INTS3: variants seen among roughly 807,000 people sequenced by gnomAD.
INTS3 encodes the protein integrator complex subunit 3, also known as SOSS complex subunit A.
In INTS3, 34 loss-of-function variants were observed where a neutral mutation model predicts 146.3. The observed-to-expected ratio is 0.23, with a 90% CI of 0.18 to 0.31. The LOEUF is 0.31. INTS3 is among the 10% of genes least tolerant of loss of function. The pLI, the probability that INTS3 is intolerant of heterozygous loss-of-function variation, is 1.00. For missense variants in INTS3, 757 were observed against 1,304.2 expected (o/e 0.58, Z 6.46); for synonymous variants, 475 against 494.9 (o/e 0.96, Z 0.53).
intron 8 of INTS3, 70 bp from the exon 9 acceptor site, chr1:153,754,572 C>A: frequency 9.2e-7 from 1 of 1,087,938 alleles, no homozygotes. Flanking sequence ...GGCCCAGGTT[C>A]CCAACATGCC....
chr1:153,749,614 T>A (rs1025069417), intron 6 of INTS3, among the ~76,000 whole-genome samples: 1 of 152,228 alleles, frequency 6.6e-6, no homozygotes, highest in African/African-American at 2.4e-5. Flanking sequence ...GGCACGGATG[T>A]GCAGCCACAT....
chr1:153,770,626 C>G, intron 24 of INTS3, 59 bp from the exon 25 acceptor site: 1 of 1,428,964 alleles, frequency 7.0e-7, no homozygotes, highest in South Asian at 1.1e-5. Context: ...AGAGAGGTCC[C>G]CAGATTCCAT....
intron 22 of INTS3, 83 bp downstream of exon 22, chr1:153,769,044 C>A: frequency 8.8e-7 from 1 of 1,131,956 alleles, no homozygotes; most frequent in Non-Finnish European, 1.3e-6. Flanking sequence ...TCCAGGCCTG[C>A]AGACAGGGAG....
intron 13 of INTS3, 32 bp downstream of exon 13, chr1:153,760,950 T>C (rs755285428): frequency 1.3e-6 from 2 of 1,599,748 alleles, no homozygotes; most frequent in Non-Finnish European, 1.7e-6. Context: ...GGAGGTTGTT[T>C]TCCCATTTTT....
Position 153,769,753 on chromosome 1 carries a change from T to C in INTS3, c.2314-16T>C. 1 of 1,599,630 alleles carries C rather than the reference T, an allele frequency of 6.3e-7. No homozygotes were observed. The highest frequency in any genetic ancestry group is 8.6e-7 in the Non-Finnish European group (1 of 1,166,970). On this transcript the variant is annotated splice_polypyrimidine_tract_variant and intron_variant, in intron 22 of 29. Transcript: ENST00000318967. Reference sequence around the variant, plus strand: ...TCAGAGCTGATGGGTTCTGCCTCCTTCCTCCACCTCCTTAGCTCCAGGAGC... The same window carrying C: ...TCAGAGCTGATGGGTTCTGCCTCCTCCCTCCACCTCCTTAGCTCCAGGAGC...
chr1:153,757,471 G>T lies in INTS3; in HGVS notation c.958-101G>T. On this transcript the variant is annotated intron_variant, in intron 9 of 29. Transcript: ENST00000318967. This position sits in a 1 kb window ranked among gnomAD's most constrained non-coding sequence, Gnocchi z 4.0. ...CTAATGAATGAATTGTGGAGAAATAGAGGTCTAGGGCAAACCTAGAGTTAA... is the reference window on the plus strand; with the variant it reads ...CTAATGAATGAATTGTGGAGAAATATAGGTCTAGGGCAAACCTAGAGTTAA... The T allele has an allele frequency of 1.1e-6, 1 of 895,104 alleles. No homozygotes were observed. The allele number at this position is 895,104 out of a possible 1,614,324, so 55.4% of individuals were successfully genotyped here.
At chr1:153,771,043 C>A (rs1005119554) in intron 25 of INTS3, among the ~76,000 whole-genome samples, 1 of 152,060 alleles carries the variant, frequency 6.6e-6, no homozygotes, top group Non-Finnish European at 1.5e-5. Context: ...CCGCGCCCCC[C>A]CCACCGCCCC....
Position 153,772,511 on chromosome 1 carries a change from T to TG in INTS3, c.2821+76dup, listed in dbSNP as rs747879236. The TG allele has an allele frequency of 4.3e-6, 7 of 1,613,312 alleles. No individual in the cohort carries two copies. In the East Asian group the frequency reaches 1.6e-4, roughly 36 times the overall value. ...GCCCAGACTATGCCTGGAGCCAGGC[T>TG]GGGGGCAGGGGCAGGACACCCGGGG... On this transcript the variant is annotated intron_variant, in intron 27 of 29. Transcript: ENST00000318967. This position sits in a 1 kb window ranked among gnomAD's most constrained non-coding sequence, Gnocchi z 4.6.
chr1:153,748,844 G>A (rs1046760501), intron 6 of INTS3, 89 bp downstream of exon 6: 2 of 1,040,040 alleles, frequency 1.9e-6, no homozygotes, highest in African/African-American at 1.6e-5. Flanking sequence ...GGATTGTGTG[G>A]CCCAAGAACA....
chr1:153,733,668 C>T lies in INTS3; in HGVS notation c.150+4884C>T, dbSNP rs532001275. On this transcript the variant is annotated intron_variant, in intron 1 of 29. Coordinates refer to ENST00000318967, the MANE Select transcript of INTS3 (RefSeq NM_023015.5). ...CGTCACCCAGGCTGGAGTGCAGTGGCGCGACAGCTCCCTGCAACCTTCGCC... is the reference window on the plus strand; with the variant it reads ...CGTCACCCAGGCTGGAGTGCAGTGGTGCGACAGCTCCCTGCAACCTTCGCC... Among the ~76,000 whole-genome samples the T allele has an allele frequency of 3.3e-5, 5 of 151,250 alleles. No individual in the cohort carries two copies. In the South Asian group the frequency reaches 8.4e-4, roughly 25 times the overall value.
At chr1:153,770,828 A>G (rs1672821075) in intron 25 of INTS3, 95 bp downstream of exon 25, 2 of 971,420 alleles carry the variant, frequency 2.1e-6, no homozygotes, top group Admixed American at 3.7e-5. Context: ...TTATTGCCAT[A>G]TTTTTTCCTG....
At chr1:153,770,363 G>C (rs546733852) in intron 24 of INTS3, 52 bp downstream of exon 24, 26 of 1,140,422 alleles carry the variant, frequency 2.3e-5, no homozygotes, top group Non-Finnish European at 3.5e-5. Context: ...TTCCTATACA[G>C]TTAGGGCAAG....
In INTS3 at chr1:153,762,813, C is replaced by T. The variant is rs149053975; in HGVS notation, c.1602C>T (p.Ala534=). The stretch of plus-strand genomic sequence containing the variant: ...GTTGCTATGACAATGCAGAGGCAGC[C>T]TTCAGTGACGATGAAGAGGATCTCA... ...DESCYDNAEA[A]FSDDEEDLNS... Residue 534 remains alanine, a synonymous_variant, in exon 15 of 30, where the codon GCC becomes GCT. Coordinates refer to ENST00000318967, the MANE Select transcript of INTS3 (RefSeq NM_023015.5). 4.3e-5 allele frequency: 69 copies of T among 1,614,024 alleles called. No homozygotes were observed. Among genetic ancestry groups the T allele is most frequent in the Non-Finnish European group, 5.5e-5 (65 of 1,180,034 alleles).
Position 153,772,360 on chromosome 1 carries a change from A to G in INTS3, c.2741A>G (p.Lys914Arg). 6.2e-7 allele frequency: 1 copy of G among 1,614,114 alleles called. No individual in the cohort carries two copies. The highest frequency in any genetic ancestry group is 8.5e-7 in the Non-Finnish European group (1 of 1,180,010). ...CACAGCCTGAGGAGCTCTAGCAGCA[A>G]GCTGGCCCAGCTGACTCTGGAGCAG... is the stretch of plus-strand genomic sequence containing the variant. ...KRQSLRSSSS[K>R]LAQLTLEQIL... Residue 914 changes from lysine to arginine, a missense_variant, in exon 27 of 30, where the codon AAG becomes AGG. Around this residue, in one of 8 missense-constraint regions of INTS3, gnomAD observed 125 missense variants for 165.6 expected, o/e 0.75. Transcript: ENST00000318967. The surrounding 1 kb of genome is among the most constrained non-coding windows in gnomAD (Gnocchi z 4.6).
chr1:153,735,115 G>A (rs1025173602), intron 1 of INTS3, among the ~76,000 whole-genome samples: 8 of 151,980 alleles, frequency 5.3e-5, no homozygotes, highest in South Asian at 2.1e-4. Flanking sequence ...CTATAGGCAC[G>A]CCACCACACC....
chr1:153,764,561 T>A (rs1004326348), intron 18 of INTS3, 129 bp from the exon 19 acceptor site: 5 of 791,738 alleles, frequency 6.3e-6, no homozygotes, highest in Non-Finnish European at 2.3e-6. Flanking sequence ...TTACCAAGCC[T>A]GCGGAGCAGC....
intron 3 of INTS3, among the ~76,000 whole-genome samples, chr1:153,742,336 A>G (rs1439443164): frequency 3.9e-5 from 6 of 152,234 alleles, no homozygotes; most frequent in Non-Finnish European, 7.3e-5. Context: ...CCTTGAAGAC[A>G]AATGAATGTT....
chr1:153,761,680 T>G lies in INTS3; in HGVS notation c.1516+4T>G. 6.3e-7 allele frequency: 1 copy of G among 1,599,722 alleles called. No individual in the cohort carries two copies. Among genetic ancestry groups the G allele is most frequent in the Non-Finnish European group, 8.6e-7 (1 of 1,166,872 alleles). On this transcript the variant is annotated splice_donor_region_variant and intron_variant, in intron 14 of 29. Transcript: ENST00000318967. ...TCACCCTCCCCACCTGTGGAAGGTA[T>G]GAGGCCCGCCCATTCCATCACCTGT...
intron 3 of INTS3, among the ~76,000 whole-genome samples, chr1:153,742,507 T>TGTGTGTGTGTGTGTGTGTGTGTGTGC (rs1297466558): frequency 1.4e-5 from 2 of 144,950 alleles, no homozygotes; most frequent in African/African-American, 5.0e-5. Flanking sequence ...TGTGTGTGTG[T>TGTGTGTGTGTGTGTGTGTGTGTGTGC]GCGTGCGCAT....
Sources: allele counts gnomAD v4.1 joint callset (sites outside exome capture counted in the v4.1 genomes callset), GRCh38; gene constraint gnomAD v4.1.1; regional missense constraint gnomAD v4.1.1; non-coding constraint Gnocchi (gnomAD v3.1); transcripts MANE v1.5; gene names NCBI Gene and HGNC (gene_info 2026-07-23, HGNC 2026-07-21).